Variants in ADCY9 observed in about 807,000 individuals in gnomAD.
ADCY9 encodes adenylate cyclase 9, also known as adenylate cyclase type 9.
ADCY9 carries 50 observed loss-of-function variants against 101.5 expected under a neutral mutation model. The ratio of observed to expected loss-of-function variants is 0.49; its 90% CI spans 0.39 to 0.62. The LOEUF is 0.62. Among genes scored for constraint, ADCY9 ranks in the 20% least tolerant of loss-of-function variants. ADCY9 has a pLI of 0.00. For synonymous variants in ADCY9, 905 were observed against 769.3 expected (o/e 1.18, Z -2.92); for missense variants, 1,662 against 1,800.4 (o/e 0.92, Z 1.39).
downstream of ADCY9, among the ~76,000 whole-genome samples, chr16:3,961,295 A>G (rs2055936711): frequency 6.6e-6 from 1 of 152,048 alleles, no homozygotes; most frequent in Non-Finnish European, 1.5e-5. Flanking sequence ...AAAAAAATAC[A>G]AAAATTAGCT....
intron 2 of ADCY9, among the ~76,000 whole-genome samples, chr16:4,038,139 G>T (rs2056601977): frequency 1.3e-5 from 2 of 152,184 alleles, no homozygotes; most frequent in African/African-American, 4.8e-5. Flanking sequence ...TAATGAGCCA[G>T]ACGTGGTGGC....
intron 2 of ADCY9, among the ~76,000 whole-genome samples, chr16:4,030,025 C>G (rs2141753044): frequency 6.6e-6 from 1 of 152,322 alleles, no homozygotes; most frequent in South Asian, 2.1e-4. Context: ...CAGGAACCCT[C>G]ATACTCTGCT....
At chr16:4,035,305 T>C (rs1256146041) in intron 2 of ADCY9, among the ~76,000 whole-genome samples, 2 of 152,202 alleles carry the variant, frequency 1.3e-5, no homozygotes, top group Admixed American at 6.5e-5. Flanking sequence ...TATTTACTTA[T>C]GCATTGCAGA....
intron 2 of ADCY9, among the ~76,000 whole-genome samples, chr16:4,049,979 C>T (rs768646053): frequency 2.7e-5 from 4 of 149,088 alleles, no homozygotes; most frequent in Non-Finnish European, 4.5e-5. Context: ...TGCAGTGAGC[C>T]GAGATCACAC....
chr16:4,085,694 C>T (rs1160610366), intron 2 of ADCY9, among the ~76,000 whole-genome samples: 1 of 151,990 alleles, frequency 6.6e-6, no homozygotes. Flanking sequence ...GAAATGGTAT[C>T]CCCCCAGCAG....
intron 6 of ADCY9, among the ~76,000 whole-genome samples, chr16:3,986,248 A>G (rs1334966976): frequency 6.6e-6 from 1 of 152,104 alleles, no homozygotes; most frequent in African/African-American, 2.4e-5. Flanking sequence ...CTAAGAACGC[A>G]CCCACGTGGA....
At chr16:4,055,266 C>T (rs1173652248) in intron 2 of ADCY9, among the ~76,000 whole-genome samples, 1 of 152,180 alleles carries the variant, frequency 6.6e-6, no homozygotes, top group African/African-American at 2.4e-5. Flanking sequence ...GGCGTGGTGG[C>T]TTACACCTGT....
In ADCY9 at chr16:3,989,058, T is replaced by C. The variant is rs2056222138; in HGVS notation, c.2246A>G (p.Gln749Arg). Residue 749 changes from glutamine (Q) to arginine (R), a missense_variant, in exon 6 of 11, where the codon CAG becomes CGG. Physicochemically the swap from Gln to Arg is conservative, Grantham distance 43. This residue lies in a region of ADCY9 where 624 missense variants were observed against 639.1 expected (regional missense o/e 0.98). Coordinates refer to ENST00000294016, the MANE Select transcript of ADCY9 (RefSeq NM_001116.4). ...KDYFFKPPIN[Q>R]FSLNFLDQEL... ...CTGATCCAGGAAGTTCAGGCTGAAC[T>C]GATTAATGGGCGGCTTAAAAAAGTA... The C allele has an allele frequency of 6.2e-7, 1 of 1,614,030 alleles. No individual in the cohort carries two copies. Among genetic ancestry groups the C allele is most frequent in the Admixed American group, 1.7e-5 (1 of 60,002 alleles).
chr16:3,963,406 G>T lies in ADCY9; in HGVS notation c.*2369C>A, dbSNP rs1020782950. 4 of 398,738 alleles carry T rather than the reference G, an allele frequency of 1.0e-5. No homozygotes were observed. Among genetic ancestry groups the T allele is most frequent in the East Asian group, 7.1e-5 (2 of 28,042 alleles). 24.7% of individuals were successfully genotyped at this position (398,738 alleles called of 1,614,324 possible). On this transcript the variant is annotated 3_prime_UTR_variant, in exon 11 of 11. Transcript: ENST00000294016. ...TGCAGAGATTCTGTGGTTCTGCACT[G>T]AGGTATGCATCGGAGCAGGGGACGG... is the stretch of plus-strand genomic sequence containing the variant.
chr16:3,976,247 C>T (rs2056091658), intron 9 of ADCY9, among the ~76,000 whole-genome samples: 1 of 152,202 alleles, frequency 6.6e-6, no homozygotes, highest in African/African-American at 2.4e-5. Flanking sequence ...CCGCTTCAGC[C>T]TCCCAAAAGT....
chr16:4,058,088 G>A (rs2056752187), intron 2 of ADCY9, among the ~76,000 whole-genome samples: 1 of 151,592 alleles, frequency 6.6e-6, no homozygotes, highest in Non-Finnish European at 1.5e-5. Flanking sequence ...GAACCCAGGA[G>A]GTGGAGGTTG....
intron 2 of ADCY9, among the ~76,000 whole-genome samples, 169 bp from the exon 3 acceptor site, chr16:4,007,727 C>T (rs900801117): frequency 4.6e-5 from 7 of 152,046 alleles, no homozygotes; most frequent in African/African-American, 4.8e-5. Flanking sequence ...CAGAGAGATG[C>T]GGCCTCAGGG....
intron 2 of ADCY9, among the ~76,000 whole-genome samples, chr16:4,058,797 C>T (rs2056757021): frequency 6.6e-6 from 1 of 152,128 alleles, no homozygotes; most frequent in South Asian, 2.1e-4. Flanking sequence ...CTGTCCTTGC[C>T]AGGAAAGGGC....
rs548117808 is a variant in ADCY9, at chr16:4,089,831, C to G, written c.1693+23919G>C. Among the ~76,000 whole-genome samples, 61 of 152,064 alleles carry G rather than the reference C, an allele frequency of 4.0e-4. 1 individual carries two copies. The highest frequency in any genetic ancestry group is 6.3e-4 in the Non-Finnish European group (43 of 67,976). On this transcript the variant is annotated intron_variant, in intron 2 of 10. Transcript: ENST00000294016. ...GGTGGCTTCCAAAGAGAGAGCAAAT[C>G]AAGCCTGGCCACAGGGGACCAGGGC... is the stretch of plus-strand genomic sequence containing the variant.
chr16:3,997,160 C>T (rs1195734041), intron 3 of ADCY9, among the ~76,000 whole-genome samples: 3 of 152,216 alleles, frequency 2.0e-5, no homozygotes, highest in Admixed American at 6.5e-5. Flanking sequence ...CCACCGTGCC[C>T]GGCCAACCCT....
chr16:4,104,656 C>T (rs1211914396), intron 2 of ADCY9, among the ~76,000 whole-genome samples: 2 of 152,002 alleles, frequency 1.3e-5, no homozygotes, highest in East Asian at 3.9e-4. Context: ...AATGTTTCTA[C>T]AGAATCAAAG....
intron 5 of ADCY9, among the ~76,000 whole-genome samples, chr16:3,956,737 C>T (rs952837324): frequency 2.0e-5 from 3 of 151,538 alleles, no homozygotes; most frequent in Admixed American, 6.6e-5. Context: ...TCAAGTGATC[C>T]GCCCGCCTTG....
In ADCY9 at chr16:3,993,386, A is replaced by AACAG. The variant is rs770780041; in HGVS notation, c.1989+16_1989+19dup. 131 of 1,611,608 alleles carry AACAG rather than the reference A, an allele frequency of 8.1e-5. No homozygotes were observed. The highest frequency in any genetic ancestry group is 1.1e-4 in the Non-Finnish European group (124 of 1,177,884). On this transcript the variant is annotated intron_variant, in intron 4 of 10. Coordinates refer to ENST00000294016, the MANE Select transcript of ADCY9 (RefSeq NM_001116.4). ...CGCCAGGAGAGGAACTGACAGGAAC[A>AACAG]ACAGCCATGAGCTTGTTACCTTGGT...
chr16:4,038,750 T>C (rs1372773574), intron 2 of ADCY9, among the ~76,000 whole-genome samples: 1 of 151,938 alleles, frequency 6.6e-6, no homozygotes, highest in Non-Finnish European at 1.5e-5. Flanking sequence ...ACCAGAAGCC[T>C]CCAGGTCACT....
Sources: gnomAD v4.1 joint callset for allele counts (sites outside exome capture counted in the v4.1 genomes callset) on GRCh38, gnomAD v4.1.1 for gene constraint, gnomAD v4.1.1 regional missense constraint, MANE v1.5 for transcripts, NCBI Gene and HGNC (gene_info 2026-07-23, HGNC 2026-07-21) for gene names.